The following SPOCK1 variants were observed in gnomAD, a reference collection of about 807,000 sequenced individuals.
The protein encoded by SPOCK1 is SPARC (osteonectin), cwcv and kazal like domains proteoglycan 1.
Under a neutral mutation model 55.3 loss-of-function variants are expected in SPOCK1, and 23 were observed. The ratio of observed to expected loss-of-function variants is 0.42; its 90% CI spans 0.30 to 0.59. The LOEUF is 0.59. Ranked by LOEUF, SPOCK1 falls within the 20% of genes least tolerant of loss-of-function variation. The pLI is 0.22. For missense variants in SPOCK1, 499 were observed against 552.5 expected (o/e 0.90, Z 0.97); for synonymous variants, 226 against 221.0 (o/e 1.02, Z -0.20).
intron 2 of SPOCK1, among the ~76,000 whole-genome samples, chr5:137,459,080 C>A (rs1436542644): frequency 6.6e-6 from 1 of 152,176 alleles, no homozygotes; most frequent in African/African-American, 2.4e-5. Context: ...AAGTCCAATG[C>A]CCTATATCGA....
intron 9 of SPOCK1, among the ~76,000 whole-genome samples, chr5:136,981,445 C>A (rs1328431994): frequency 6.6e-6 from 1 of 151,908 alleles, no homozygotes; most frequent in Admixed American, 6.6e-5. Flanking sequence ...TATTTTGATC[C>A]TTTTTTATAA....
At chr5:137,469,856 G>A (rs1561544085) in intron 2 of SPOCK1, among the ~76,000 whole-genome samples, 1 of 152,092 alleles carries the variant, frequency 6.6e-6, no homozygotes, top group Non-Finnish European at 1.5e-5. Flanking sequence ...CTATTTCATG[G>A]GTGGAAGCTG....
At chr5:137,181,284 T>C (rs1242509228) in intron 3 of SPOCK1, among the ~76,000 whole-genome samples, 1 of 152,156 alleles carries the variant, frequency 6.6e-6, no homozygotes, top group Non-Finnish European at 1.5e-5. Context: ...AGATAGAACA[T>C]GAAGCACTGG....
At chr5:137,493,888 T>C (rs1174903203) in intron 2 of SPOCK1, among the ~76,000 whole-genome samples, 3 of 152,186 alleles carry the variant, frequency 2.0e-5, no homozygotes, top group African/African-American at 7.2e-5. Context: ...ATAGCTGATA[T>C]GTTAGATCAA....
At chr5:136,991,971 CAAA>C (rs1561573184) in intron 7 of SPOCK1, among the ~76,000 whole-genome samples, 2 of 152,182 alleles carry the variant, frequency 1.3e-5, no homozygotes, top group South Asian at 4.1e-4. Flanking sequence ...GACTATTGTA[CAAA>C]AAGACATAGC....
intron 6 of SPOCK1, among the ~76,000 whole-genome samples, chr5:137,054,301 T>C (rs1175447838): frequency 4.6e-5 from 7 of 152,182 alleles, no homozygotes; most frequent in African/African-American, 1.7e-4. Flanking sequence ...AACTTTACAA[T>C]TGCCTGGTTC....
rs2164133 is a variant in SPOCK1 at position 137,161,114 on chromosome 5, T to C, written c.233-20420A>G. On this transcript the variant is annotated intron_variant, in intron 3 of 10. Transcript: ENST00000394945. ...TTATATAATATATATATCTAATATA[T>C]AATATATATAATATTCCTAGAGTAT... Among the ~76,000 whole-genome samples the C allele has an allele frequency of 7.7e-3, 1,137 of 146,746 alleles. 54 individuals carry two copies. The highest frequency in any genetic ancestry group is 0.068 in the Admixed American group (985 of 14,446).
At chr5:137,223,531 C>CT (rs1755895130) in intron 3 of SPOCK1, among the ~76,000 whole-genome samples, 1 of 152,174 alleles carries the variant, frequency 6.6e-6, no homozygotes, top group Non-Finnish European at 1.5e-5. Context: ...GACCATCCAT[C>CT]TGAGACTAAT....
chr5:137,470,956 T>C (rs775263575), intron 2 of SPOCK1, among the ~76,000 whole-genome samples: 4 of 152,214 alleles, frequency 2.6e-5, no homozygotes, highest in African/African-American at 7.2e-5. Flanking sequence ...TCTTCTCATG[T>C]GTAAATGTAA....
At chr5:137,189,242 C>T (rs761019727) in intron 3 of SPOCK1, among the ~76,000 whole-genome samples, 4 of 152,214 alleles carry the variant, frequency 2.6e-5, no homozygotes, top group Non-Finnish European at 5.9e-5. Flanking sequence ...GCAGGCAAAA[C>T]AACTTTCTAT....
At chr5:137,237,054 C>T (rs754366786) in intron 3 of SPOCK1, among the ~76,000 whole-genome samples, 6 of 152,188 alleles carry the variant, frequency 3.9e-5, no homozygotes, top group African/African-American at 7.2e-5. Flanking sequence ...ATGACTTCAC[C>T]CAATTAGCTT....
chr5:137,492,058 T>C (rs943000130), intron 2 of SPOCK1, among the ~76,000 whole-genome samples: 1 of 152,242 alleles, frequency 6.6e-6, no homozygotes, highest in Admixed American at 6.5e-5. Flanking sequence ...AGTGGACATC[T>C]GTTGACATCT....
At chr5:137,220,469 A>G (rs758119919) in intron 3 of SPOCK1, among the ~76,000 whole-genome samples, 13 of 152,166 alleles carry the variant, frequency 8.5e-5, no homozygotes, top group Non-Finnish European at 7.3e-5. Context: ...GATTTAGATT[A>G]CTTAATCCTC....
At chr5:137,395,662 C>T (rs1413295421) in intron 2 of SPOCK1, among the ~76,000 whole-genome samples, 1 of 152,192 alleles carries the variant, frequency 6.6e-6, no homozygotes, top group African/African-American at 2.4e-5. Context: ...GAAGGCAGGG[C>T]TATGGTGAGG....
intron 6 of SPOCK1, among the ~76,000 whole-genome samples, chr5:137,057,762 CGTCTGGTGA>C (rs1424922838): frequency 6.6e-6 from 1 of 152,176 alleles, no homozygotes; most frequent in Non-Finnish European, 1.5e-5. Flanking sequence ...CACTTACTTT[CGTCTGGTGA>C]TAATTTCAAT....
rs188489898 is a variant in SPOCK1 at position 137,386,200 on chromosome 5, T to C, written c.186+112173A>G. Reference sequence around the variant, plus strand: ...AGTACAAGATCTATATGAGGAAAACTACAAAACTCTGATGAAAGAAATCAA... The same window carrying C: ...AGTACAAGATCTATATGAGGAAAACCACAAAACTCTGATGAAAGAAATCAA... On this transcript the variant is annotated intron_variant, in intron 2 of 10. Coordinates refer to ENST00000394945, the MANE Select transcript of SPOCK1 (RefSeq NM_004598.4). Among the ~76,000 whole-genome samples the C allele has an allele frequency of 1.1e-3, 174 of 152,284 alleles. 1 individual carries two copies. The highest frequency in any genetic ancestry group is 3.9e-3 in the African/African-American group (164 of 41,560).
intron 5 of SPOCK1, among the ~76,000 whole-genome samples, chr5:137,084,405 G>A (rs1446443210): frequency 6.6e-6 from 1 of 151,982 alleles, no homozygotes. Context: ...TGGGGCCATG[G>A]CATGGATAAC....
chr5:137,392,418 T>C (rs569807174), intron 2 of SPOCK1, among the ~76,000 whole-genome samples: 1 of 152,240 alleles, frequency 6.6e-6, no homozygotes, highest in East Asian at 1.9e-4. Flanking sequence ...GTTATTTCTA[T>C]AACTTATCTC....
At chr5:137,142,898 A>T (rs1020301104) in intron 3 of SPOCK1, among the ~76,000 whole-genome samples, 37 of 152,078 alleles carry the variant, frequency 2.4e-4, no homozygotes, top group African/African-American at 8.5e-4. Context: ...ACTTTGACTC[A>T]CTCTCCAAGA....
Sources: allele counts gnomAD v4.1 joint callset (sites outside exome capture counted in the v4.1 genomes callset), GRCh38; gene constraint gnomAD v4.1.1; transcripts MANE v1.5; gene names NCBI Gene and HGNC (gene_info 2026-07-23, HGNC 2026-07-21).